The following TFEC variants were observed in gnomAD, a reference collection of about 807,000 sequenced individuals.
The protein encoded by TFEC is class E basic helix-loop-helix protein 34.
In TFEC, 31 loss-of-function variants were observed where a neutral mutation model predicts 41.6. The ratio of observed to expected loss-of-function variants is 0.74; its 90% CI spans 0.56 to 1.01. The LOEUF (loss-of-function observed/expected upper bound fraction) is 1.01, where lower values mean the gene tolerates loss of function less well. Ranked by LOEUF, TFEC falls within the 50% of genes least tolerant of loss-of-function variation. The pLI is 0.00. For synonymous variants in TFEC, 143 were observed against 140.6 expected (o/e 1.02, Z -0.12); for missense variants, 402 against 404.1 (o/e 0.99, Z 0.04).
chr7:115,937,650 T>G lies in TFEC; in HGVS notation c.*2901A>C, dbSNP rs1336322475. The G allele has an allele frequency of 6.6e-6, 1 of 151,788 alleles. No individual in the cohort carries two copies. The highest frequency in any genetic ancestry group is 1.9e-4 in the East Asian group (1 of 5,170). The allele number at this position is 151,788 out of a possible 1,614,324, so 9.4% of individuals were successfully genotyped here. On this transcript the variant is annotated 3_prime_UTR_variant, in exon 8 of 8. Transcript: ENST00000265440. Reference sequence around the variant, plus strand: ...AATGAACAACTTTTTTAGTGAATAATCTAAAGTTTGGTACACTATTACTTT... The same window carrying G: ...AATGAACAACTTTTTTAGTGAATAAGCTAAAGTTTGGTACACTATTACTTT...
At chr7:116,074,302 CAACAAG>C (rs1796903723) in intron 3 of TFEC, among the ~76,000 whole-genome samples, 1 of 151,352 alleles carries the variant, frequency 6.6e-6, no homozygotes, top group Admixed American at 6.6e-5. Flanking sequence ...CAAAGAACAC[CAACAAG>C]AATTGAAAAG....
chr7:115,973,967 A>G (rs945491757), intron 3 of TFEC, among the ~76,000 whole-genome samples: 1 of 152,028 alleles, frequency 6.6e-6, no homozygotes. Flanking sequence ...AGAGAGACAG[A>G]GAGAGAGATT....
At chr7:116,013,198 C>T (rs1431642241) in intron 1 of TFEC, among the ~76,000 whole-genome samples, 1 of 151,980 alleles carries the variant, frequency 6.6e-6, no homozygotes, top group African/African-American at 2.4e-5. Context: ...CTTTGTTTTA[C>T]TTAACTAATA....
rs1793412381 is a variant in TFEC at position 115,940,117 on chromosome 7, T to C, written c.*434A>G. ...AGAAAGGCAATGACCACCTGATATG[T>C]TGATCTTGATTCCGGAAGACTGATG... On this transcript the variant is annotated 3_prime_UTR_variant, in exon 8 of 8. Coordinates refer to ENST00000265440, the MANE Select transcript of TFEC (RefSeq NM_012252.4). The C allele has an allele frequency of 6.5e-6, 1 of 154,648 alleles. No homozygotes were observed. The highest frequency in any genetic ancestry group is 6.4e-5 in the Admixed American group (1 of 15,626). 9.6% of individuals were successfully genotyped at this position (154,648 alleles called of 1,614,324 possible). A position where few individuals can be genotyped will look rare whatever the true frequency, so the allele number is the denominator to read the frequency against.
At chr7:116,152,167 G>A (rs1047111379) in intron 1 of TFEC, among the ~76,000 whole-genome samples, 1 of 152,076 alleles carries the variant, frequency 6.6e-6, no homozygotes, top group African/African-American at 2.4e-5. Context: ...AGCCAAGATA[G>A]AAGAACAAGG....
At chr7:115,998,913 T>C (rs774366642) in intron 1 of TFEC, among the ~76,000 whole-genome samples, 9 of 152,026 alleles carry the variant, frequency 5.9e-5, no homozygotes, top group East Asian at 1.9e-4. Flanking sequence ...ACTTTCAGCA[T>C]TGAAGAGATC....
chr7:116,143,882 T>G (rs1173301832), intron 1 of TFEC, among the ~76,000 whole-genome samples: 1 of 152,132 alleles, frequency 6.6e-6, no homozygotes, highest in Non-Finnish European at 1.5e-5. Flanking sequence ...TTCCTAGGTT[T>G]TTATAAACAT....
At chr7:116,137,139 A>G (rs1296298270) in intron 1 of TFEC, among the ~76,000 whole-genome samples, 3 of 152,056 alleles carry the variant, frequency 2.0e-5, no homozygotes, top group East Asian at 3.9e-4. Context: ...CCTCATCATC[A>G]TGGACTTCAG....
At chr7:115,980,820 T>C (rs1464711141) in intron 2 of TFEC, among the ~76,000 whole-genome samples, 1 of 151,824 alleles carries the variant, frequency 6.6e-6, no homozygotes, top group African/African-American at 2.4e-5. Flanking sequence ...TAGTAAACCA[T>C]AGTGCTGTTT....
intron 3 of TFEC, among the ~76,000 whole-genome samples, chr7:115,966,035 C>T (rs1792830832): frequency 6.6e-6 from 1 of 151,680 alleles, no homozygotes; most frequent in Non-Finnish European, 1.5e-5. Context: ...TTAACTACCA[C>T]TACCCCTCCC....
At chr7:116,061,824 G>A (rs1317470355) in intron 3 of TFEC, among the ~76,000 whole-genome samples, 34 of 152,092 alleles carry the variant, frequency 2.2e-4, no homozygotes, top group Non-Finnish European at 1.5e-5. Context: ...TATATGGATA[G>A]CAAATAAGGC....
intron 3 of TFEC, among the ~76,000 whole-genome samples, chr7:116,041,908 G>C (rs1014283265): frequency 6.6e-6 from 1 of 152,066 alleles, no homozygotes; most frequent in East Asian, 1.9e-4. Context: ...CCAAAACAAA[G>C]GGCGAGAGAT....
chr7:115,978,588 G>T (rs547439129), intron 2 of TFEC, among the ~76,000 whole-genome samples: 1 of 152,268 alleles, frequency 6.6e-6, no homozygotes, highest in Non-Finnish European at 1.5e-5. Context: ...ATCCCAGATA[G>T]TCAATCTCTC....
chr7:116,103,986 A>G (rs1797661736), intron 3 of TFEC, among the ~76,000 whole-genome samples: 1 of 152,208 alleles, frequency 6.6e-6, no homozygotes, highest in Non-Finnish European at 1.5e-5. Context: ...ACAGAGGAAG[A>G]TTATGAAGTT....
chr7:116,080,563 T>C (rs985878540), intron 3 of TFEC, among the ~76,000 whole-genome samples: 2 of 152,010 alleles, frequency 1.3e-5, no homozygotes, highest in African/African-American at 4.8e-5. Flanking sequence ...AAACAAGATA[T>C]ACAAATGGCC....
At chr7:116,049,261 G>T (rs976111203) in intron 3 of TFEC, among the ~76,000 whole-genome samples, 4 of 152,060 alleles carry the variant, frequency 2.6e-5, no homozygotes, top group African/African-American at 7.3e-5. Flanking sequence ...ACACACATAG[G>T]CTCAAAATAA....
chr7:115,955,464 G>A (rs1442606277), intron 4 of TFEC, among the ~76,000 whole-genome samples: 1 of 152,034 alleles, frequency 6.6e-6, no homozygotes, highest in Non-Finnish European at 1.5e-5. Flanking sequence ...AAGACCACTT[G>A]CCAACAGGAA....
chr7:115,972,450 G>T (rs898088784), intron 3 of TFEC, among the ~76,000 whole-genome samples: 3 of 152,090 alleles, frequency 2.0e-5, no homozygotes, highest in Admixed American at 1.3e-4. Context: ...TTTGACCCAA[G>T]TTCCACATTC....
chr7:115,978,775 A>C (rs1001012069), intron 2 of TFEC, among the ~76,000 whole-genome samples: 11 of 152,138 alleles, frequency 7.2e-5, no homozygotes, highest in African/African-American at 2.7e-4. Flanking sequence ...TCCTTCTCTA[A>C]ACTAATTCTT....
Sources: allele counts gnomAD v4.1 joint callset (sites outside exome capture counted in the v4.1 genomes callset), GRCh38; gene constraint gnomAD v4.1.1; transcripts MANE v1.5; gene names NCBI Gene and HGNC (gene_info 2026-07-23, HGNC 2026-07-21).